GRID1: variants seen among roughly 807,000 people sequenced by gnomAD.
GRID1 encodes the protein glutamate receptor ionotropic, delta-1.
In GRID1, 28 loss-of-function variants were observed where a neutral mutation model predicts 98.0. That is an observed-to-expected ratio of 0.29 (90% CI 0.21 to 0.39). The LOEUF (loss-of-function observed/expected upper bound fraction) is 0.39. GRID1 is among the 10% of genes least tolerant of loss of function. The pLI is 1.00. For synonymous variants in GRID1, 553 were observed against 538.5 expected, an observed-to-expected ratio of 1.03 and a Z score of -0.37; for missense variants, 1,111 against 1,340.5, an observed-to-expected ratio of 0.83 and a Z score of 2.67.
intron 12 of GRID1, among the ~76,000 whole-genome samples, chr10:85,674,215 A>G (rs1275752856): frequency 1.3e-5 from 2 of 152,122 alleles, no homozygotes; most frequent in African/African-American, 4.8e-5. Flanking sequence ...TGACTTGCCC[A>G]AGAGTTACAA....
intron 12 of GRID1, among the ~76,000 whole-genome samples, chr10:85,705,571 C>A (rs932148290): frequency 6.6e-6 from 1 of 152,136 alleles, no homozygotes; most frequent in African/African-American, 2.4e-5. Context: ...CTATTCCAAC[C>A]AATAGAAAAG....
intron 8 of GRID1, among the ~76,000 whole-genome samples, chr10:85,844,034 T>C (rs559535199): frequency 5.9e-5 from 9 of 152,000 alleles, no homozygotes; most frequent in Non-Finnish European, 1.2e-4. Flanking sequence ...GGGTGAATGG[T>C]TAAACAAATA....
At chr10:86,023,713 T>A (rs889259077) in intron 4 of GRID1, among the ~76,000 whole-genome samples, 1 of 152,148 alleles carries the variant, frequency 6.6e-6, no homozygotes, top group Non-Finnish European at 1.5e-5. Context: ...CCCTGAATCA[T>A]GTATGATTTA....
chr10:86,205,558 T>C (rs1292318224), intron 3 of GRID1, among the ~76,000 whole-genome samples: 1 of 152,238 alleles, frequency 6.6e-6, no homozygotes. Flanking sequence ...ACTACAGCTA[T>C]GCAGGATGTT....
intron 8 of GRID1, among the ~76,000 whole-genome samples, chr10:85,804,038 A>T (rs1383945503): frequency 1.3e-5 from 2 of 151,888 alleles, no homozygotes; most frequent in Admixed American, 1.3e-4. Context: ...GGAACACTAA[A>T]TAGGGGATAT....
At chr10:86,347,635 A>G (rs2162630) in intron 2 of GRID1, among the ~76,000 whole-genome samples, 44,924 of 152,184 alleles carry the variant, frequency 0.3, 10,413 homozygotes, top group African/African-American at 0.63. Flanking sequence ...GAGCAGGGAC[A>G]AGGGGTGTGG....
chr10:86,036,073 G>C (rs886944092), intron 4 of GRID1, among the ~76,000 whole-genome samples: 4 of 152,194 alleles, frequency 2.6e-5, no homozygotes, highest in African/African-American at 9.7e-5. Context: ...GATCAGCCTG[G>C]TATATGGAGA....
chr10:86,081,450 G>C (rs1018223335), intron 4 of GRID1, among the ~76,000 whole-genome samples: 3 of 152,172 alleles, frequency 2.0e-5, no homozygotes, highest in African/African-American at 7.2e-5. Flanking sequence ...CTCAACATCA[G>C]ACAGAAGAGG....
rs557792112 is a variant in GRID1 at position 85,913,875 on chromosome 10, T to C, written c.780+2311A>G. ...AAAGGAAGCCAAGAAAGGAGGAAGA[T>C]GAGGCTCCCTGGAGGCCCCTCACAT... On this transcript the variant is annotated intron_variant, in intron 5 of 15. Coordinates refer to ENST00000327946, the MANE Select transcript of GRID1 (RefSeq NM_017551.3). 4.1e-4 allele frequency among the ~76,000 whole-genome samples: 62 copies of C among 152,328 alleles called. 4 individuals are homozygous for C. The South Asian group carries it at 0.013, about 31-fold the overall frequency.
chr10:86,006,360 C>A (rs1192182185), intron 4 of GRID1, among the ~76,000 whole-genome samples: 1 of 152,170 alleles, frequency 6.6e-6, no homozygotes, highest in Admixed American at 6.5e-5. Flanking sequence ...GTGGCTCATG[C>A]CTATAATCCC....
intron 12 of GRID1, among the ~76,000 whole-genome samples, chr10:85,709,844 G>C (rs1841563231): frequency 6.6e-6 from 1 of 152,054 alleles, no homozygotes; most frequent in South Asian, 2.1e-4. Flanking sequence ...CCTCTTTGCT[G>C]TTCTATATGT....
intron 12 of GRID1, among the ~76,000 whole-genome samples, chr10:85,652,928 G>C (rs1840844921): frequency 6.6e-6 from 1 of 152,180 alleles, no homozygotes; most frequent in Non-Finnish European, 1.5e-5. Context: ...TCCTACTTTT[G>C]TGGATTTTAC....
intron 8 of GRID1, among the ~76,000 whole-genome samples, chr10:85,774,347 T>C (rs920701767): frequency 2.6e-5 from 4 of 152,126 alleles, no homozygotes; most frequent in African/African-American, 7.2e-5. Context: ...AAGACTTAAA[T>C]GTTAGACCTA....
chr10:85,983,765 C>T (rs1203792543), intron 4 of GRID1, among the ~76,000 whole-genome samples: 1 of 152,146 alleles, frequency 6.6e-6, no homozygotes, highest in Non-Finnish European at 1.5e-5. Flanking sequence ...CCAGATGCTC[C>T]TCAAGGCTGC....
At chr10:85,626,598 A>G (rs1275415188) in intron 13 of GRID1, among the ~76,000 whole-genome samples, 1 of 152,184 alleles carries the variant, frequency 6.6e-6, no homozygotes, top group East Asian at 1.9e-4. Context: ...TTCACCATCC[A>G]TGCAGAGTGC....
At chr10:85,665,400 C>T (rs1171744975) in intron 12 of GRID1, among the ~76,000 whole-genome samples, 1 of 152,138 alleles carries the variant, frequency 6.6e-6, no homozygotes, top group Non-Finnish European at 1.5e-5. Context: ...GCATGGGATC[C>T]TAATTCTTAT....
intron 2 of GRID1, among the ~76,000 whole-genome samples, chr10:86,300,780 C>T (rs1847674447): frequency 6.6e-6 from 1 of 152,074 alleles, no homozygotes; most frequent in Admixed American, 6.5e-5. Flanking sequence ...CCCCGGGCTC[C>T]AGTCCGCTCC....
chr10:85,638,106 A>G (rs1843072003), intron 13 of GRID1, among the ~76,000 whole-genome samples: 1 of 123,126 alleles, frequency 8.1e-6, no homozygotes, highest in Admixed American at 7.9e-5. Flanking sequence ...GTAAGATAAA[A>G]TTATAACCAA....
intron 13 of GRID1, among the ~76,000 whole-genome samples, chr10:85,622,777 T>G (rs76917390): frequency 6.6e-6 from 1 of 152,226 alleles, no homozygotes; most frequent in East Asian, 1.9e-4. Flanking sequence ...TCTATGGAAA[T>G]GTAGGGGAGT....
Sources: gnomAD v4.1 joint callset for allele counts (sites outside exome capture counted in the v4.1 genomes callset) on GRCh38, gnomAD v4.1.1 for gene constraint, MANE v1.5 for transcripts, NCBI Gene and HGNC (gene_info 2026-07-23, HGNC 2026-07-21) for gene names.